Variants in AMPH observed in about 807,000 individuals in gnomAD.
AMPH encodes amphiphysin (Stiff-Mann syndrome with breast cancer 128kD autoantigen).
A neutral mutation model predicts 99.1 loss-of-function variants in AMPH; 49 were observed. The observed-to-expected ratio is 0.49, with a 90% CI of 0.39 to 0.63. AMPH has a LOEUF of 0.63. Ranked by LOEUF, AMPH falls within the 20% of genes least tolerant of loss-of-function variation. The pLI is 0.00. For synonymous variants in AMPH, 314 were observed against 317.3 expected (o/e 0.99, Z 0.11); for missense variants, 759 against 863.4 (o/e 0.88, Z 1.52).
intron 11 of AMPH, among the ~76,000 whole-genome samples, chr7:38,444,826 C>G (rs1786694032): frequency 6.6e-6 from 1 of 151,756 alleles, no homozygotes; most frequent in Admixed American, 6.6e-5. Context: ...CCTAGAATAG[C>G]CAAAACAACT....
chr7:38,608,852 T>C (rs1793525982), intron 1 of AMPH, among the ~76,000 whole-genome samples: 1 of 152,172 alleles, frequency 6.6e-6, no homozygotes, highest in Non-Finnish European at 1.5e-5. Context: ...AAGCCCACAT[T>C]AGGAATATTC....
At chr7:38,398,161 T>C (rs1304758409) in intron 17 of AMPH, among the ~76,000 whole-genome samples, 8 of 111,130 alleles carry the variant, frequency 7.2e-5, no homozygotes, top group African/African-American at 2.9e-4. Flanking sequence ...GATCCAGCAA[T>C]CCCACTGCTA....
intron 1 of AMPH, among the ~76,000 whole-genome samples, chr7:38,630,935 C>T (rs1281551145): frequency 6.6e-6 from 1 of 151,442 alleles, no homozygotes; most frequent in African/African-American, 2.5e-5. Context: ...CGCTCTGCTC[C>T]GGGCGCAGCG....
chr7:38,617,241 G>A (rs1028707654), intron 1 of AMPH, among the ~76,000 whole-genome samples: 2 of 152,210 alleles, frequency 1.3e-5, no homozygotes, highest in Non-Finnish European at 2.9e-5. Flanking sequence ...ATCATCTAAT[G>A]TACGTTGGAA....
At chr7:38,539,102 A>G (rs1790717068) in intron 1 of AMPH, among the ~76,000 whole-genome samples, 1 of 152,238 alleles carries the variant, frequency 6.6e-6, no homozygotes, top group Non-Finnish European at 1.5e-5. Context: ...AATCCTTGAC[A>G]GGAGACTGGG....
At chr7:38,428,152 T>C (rs1487486117) in intron 14 of AMPH, 5 of 456,646 alleles carry the variant, frequency 1.1e-5, no homozygotes, top group South Asian at 4.6e-5. Context: ...CAGTGGTTAA[T>C]AGAATCCAGA....
In AMPH at chr7:38,390,600, C is replaced by T. The variant is rs555805608; in HGVS notation, c.1879-695G>A. ...ATTGGCTTTTAAAGTGTGTATTTTGCCATTGAGCATATTCATAGAATCACA... is the reference window on the plus strand; with the variant it reads ...ATTGGCTTTTAAAGTGTGTATTTTGTCATTGAGCATATTCATAGAATCACA... On this transcript the variant is annotated intron_variant, in intron 19 of 20. Coordinates refer to ENST00000356264, the MANE Select transcript of AMPH (RefSeq NM_001635.4). Among the ~76,000 whole-genome samples the T allele has an allele frequency of 1.1e-4, 16 of 152,250 alleles. No homozygotes were observed. In the South Asian group the frequency reaches 2.9e-3, roughly 28 times the overall value.
chr7:38,578,250 T>G (rs892778032), intron 1 of AMPH, among the ~76,000 whole-genome samples: 1 of 152,126 alleles, frequency 6.6e-6, no homozygotes, highest in African/African-American at 2.4e-5. Flanking sequence ...AATTGCAGTG[T>G]CTCCACCCTC....
rs372075762 is a variant in AMPH at position 38,475,316 on chromosome 7, G to A, written c.590+15C>T. 2 of 1,574,756 alleles carry A rather than the reference G, an allele frequency of 1.3e-6. No homozygotes were observed. The highest frequency in any genetic ancestry group is 1.1e-5 in the South Asian group (1 of 89,908). On this transcript the variant is annotated intron_variant, in intron 7 of 20. Transcript: ENST00000356264. ...CTAAAAGGAACATGTGCAACCCATA[G>A]AGAAACATTTTTACCTTGACCATAA...
At chr7:38,563,167 G>A (rs199880202) in intron 1 of AMPH, among the ~76,000 whole-genome samples, 1 of 113,132 alleles carries the variant, frequency 8.8e-6, no homozygotes, top group Admixed American at 8.8e-5. Flanking sequence ...GAATGAATGA[G>A]TGAATGGATA....
At chr7:38,589,685 C>T (rs959310520) in intron 1 of AMPH, among the ~76,000 whole-genome samples, 5 of 152,184 alleles carry the variant, frequency 3.3e-5, no homozygotes, top group African/African-American at 1.2e-4. Context: ...ACAGGCTTTG[C>T]ATTTGATTGC....
At chr7:38,474,499 T>G (rs373894256) in intron 7 of AMPH, among the ~76,000 whole-genome samples, 1 of 152,188 alleles carries the variant, frequency 6.6e-6, no homozygotes, top group African/African-American at 2.4e-5. Context: ...AACTTTAGTA[T>G]AGACCCTCAA....
chr7:38,552,126 G>A (rs1446830608), intron 1 of AMPH, among the ~76,000 whole-genome samples: 1 of 152,262 alleles, frequency 6.6e-6, no homozygotes, highest in African/African-American at 2.4e-5. Flanking sequence ...GGAAGATGCA[G>A]AATGCAGTGT....
chr7:38,479,066 GA>G (rs1373609864), intron 5 of AMPH, among the ~76,000 whole-genome samples: 1 of 151,998 alleles, frequency 6.6e-6, no homozygotes, highest in Non-Finnish European at 1.5e-5. Flanking sequence ...GATAATGGCT[GA>G]AAATTTTTTT....
chr7:38,562,973 G>A (rs1791608240), intron 1 of AMPH, among the ~76,000 whole-genome samples: 1 of 152,158 alleles, frequency 6.6e-6, no homozygotes, highest in African/African-American at 2.4e-5. Context: ...TTCAACCCTA[G>A]TACCTTGAAG....
rs181212631 is a variant in AMPH, at chr7:38,498,208, C to T, written c.206-3681G>A. On this transcript the variant is annotated intron_variant, in intron 3 of 20. Transcript: ENST00000356264. ...CCCAAAGCTGAGTCACCAATTCCAC[C>T]TGATTCTTAAATCTAGCCCCTTCCT... is the stretch of plus-strand genomic sequence containing the variant. 6.6e-5 allele frequency among the ~76,000 whole-genome samples: 10 copies of T among 152,262 alleles called. No individual in the cohort carries two copies. In the East Asian group the frequency reaches 1.7e-3, roughly 26 times the overall value.
intron 1 of AMPH, among the ~76,000 whole-genome samples, chr7:38,619,187 C>T (rs1042033928): frequency 2.1e-4 from 32 of 151,984 alleles, no homozygotes; most frequent in African/African-American, 6.8e-4. Flanking sequence ...AAGACCCTGT[C>T]TCTTAAATAA....
At chr7:38,420,200 G>A (rs1485068518) in intron 16 of AMPH, among the ~76,000 whole-genome samples, 1 of 152,158 alleles carries the variant, frequency 6.6e-6, no homozygotes, top group African/African-American at 2.4e-5. Context: ...ATGAAGCATG[G>A]TTATATATAA....
chr7:38,545,613 C>T (rs915493495), intron 1 of AMPH, among the ~76,000 whole-genome samples: 10 of 152,152 alleles, frequency 6.6e-5, no homozygotes, highest in Admixed American at 5.9e-4. Flanking sequence ...ATTTGCCTCA[C>T]AAACACATCA....
Sources: gnomAD v4.1 joint callset for allele counts (sites outside exome capture counted in the v4.1 genomes callset) on GRCh38, gnomAD v4.1.1 for gene constraint, MANE v1.5 for transcripts, NCBI Gene and HGNC (gene_info 2026-07-23, HGNC 2026-07-21) for gene names.